Variants in BACH2 observed in about 807,000 individuals in gnomAD.
The protein encoded by BACH2 is transcription regulator protein BACH2.
A neutral mutation model predicts 61.8 loss-of-function variants in BACH2; 5 were observed. The observed-to-expected ratio is 0.08, with a 90% CI of 0.04 to 0.17. The LOEUF (loss-of-function observed/expected upper bound fraction) is 0.17. BACH2 is among the 10% of genes least tolerant of loss of function. The pLI, the probability that BACH2 is intolerant of heterozygous loss-of-function variation, is 1.00. For synonymous variants in BACH2, 446 were observed against 440.1 expected, an observed-to-expected ratio of 1.01 and a Z score of -0.17; for missense variants, 824 against 1,091.1, an observed-to-expected ratio of 0.76 and a Z score of 3.45.
intron 4 of BACH2, among the ~76,000 whole-genome samples, chr6:90,126,367 T>G (rs1376891715): frequency 6.6e-6 from 1 of 152,202 alleles, no homozygotes; most frequent in Admixed American, 6.5e-5. Flanking sequence ...GCTGCTACAG[T>G]GTCAACAATG....
intron 4 of BACH2, among the ~76,000 whole-genome samples, chr6:90,150,895 G>A (rs1008711302): frequency 6.6e-6 from 1 of 152,186 alleles, no homozygotes; most frequent in South Asian, 2.1e-4. Flanking sequence ...CAGCGGTGTT[G>A]CCTAAAGCAA....
At chr6:89,934,157 G>A (rs1417364706) in intron 8 of BACH2, among the ~76,000 whole-genome samples, 2 of 152,184 alleles carry the variant, frequency 1.3e-5, no homozygotes, top group Non-Finnish European at 2.9e-5. Context: ...GCTGGGAAAA[G>A]TGCAGTCTGG....
intron 6 of BACH2, among the ~76,000 whole-genome samples, chr6:89,967,729 TAC>T (rs1379194324): frequency 6.6e-6 from 1 of 152,138 alleles, no homozygotes. Flanking sequence ...GTGGTAAAAA[TAC>T]AGAGACTCAA....
chr6:90,113,631 A>G (rs1783273763), intron 4 of BACH2, among the ~76,000 whole-genome samples: 1 of 152,092 alleles, frequency 6.6e-6, no homozygotes, highest in Non-Finnish European at 1.5e-5. Context: ...CACATCAAAA[A>G]GTTAGAAAGA....
At chr6:90,141,740 G>C (rs1784468280) in intron 4 of BACH2, among the ~76,000 whole-genome samples, 1 of 152,098 alleles carries the variant, frequency 6.6e-6, no homozygotes, top group Admixed American at 6.6e-5. Context: ...TTTTACACAT[G>C]ATAATAGGTT....
At chr6:90,044,040 GCCATGTACTGTTCTAGGTA>G (rs1241754387) in intron 5 of BACH2, among the ~76,000 whole-genome samples, 1 of 152,146 alleles carries the variant, frequency 6.6e-6, no homozygotes, top group Non-Finnish European at 1.5e-5. Context: ...AACACATGAT[GCCATGTACTGTTCTAGGTA>G]CCTGAGGATA....
intron 4 of BACH2, among the ~76,000 whole-genome samples, chr6:90,170,369 T>TTA (rs1383419579): frequency 6.6e-6 from 1 of 152,162 alleles, no homozygotes; most frequent in Non-Finnish European, 1.5e-5. Context: ...CTTTACCTAT[T>TTA]TATCTTGTTA....
At chr6:90,278,567 C>T (rs1771764716) in intron 1 of BACH2, among the ~76,000 whole-genome samples, 2 of 152,364 alleles carry the variant, frequency 1.3e-5, no homozygotes, top group South Asian at 2.1e-4. Flanking sequence ...TATATGTTTT[C>T]CCTAAAGGCA....
In BACH2 at chr6:90,065,425, C is replaced by G. The variant is rs144946746; in HGVS notation, c.-13+23536G>C. ...CCAACCATCCTAGAATGGGGGGTAA[C>G]AACCTTTTTCTTAAAGGACCAGCAG... On this transcript the variant is annotated intron_variant, in intron 5 of 8. Coordinates refer to ENST00000257749, the MANE Select transcript of BACH2 (RefSeq NM_021813.4). Among the ~76,000 whole-genome samples the G allele has an allele frequency of 2.0e-4, 31 of 151,888 alleles. No homozygotes were observed. The East Asian group carries it at 5.4e-3, about 27-fold the overall frequency.
At chr6:90,093,676 C>T (rs1042895163) in intron 4 of BACH2, among the ~76,000 whole-genome samples, 3 of 152,202 alleles carry the variant, frequency 2.0e-5, no homozygotes, top group African/African-American at 7.2e-5. Flanking sequence ...CAGAAGCCCA[C>T]AGGACAATAC....
intron 4 of BACH2, among the ~76,000 whole-genome samples, chr6:90,143,623 C>T (rs1159501723): frequency 2.0e-5 from 3 of 152,100 alleles, no homozygotes; most frequent in African/African-American, 7.2e-5. Flanking sequence ...CCATGAACCC[C>T]TGTGCACCTC....
chr6:90,288,416 C>G (rs948426171), intron 1 of BACH2, among the ~76,000 whole-genome samples: 2 of 152,256 alleles, frequency 1.3e-5, no homozygotes, highest in Middle Eastern at 3.4e-3. Flanking sequence ...AAGCACAGTA[C>G]TATACATTCA....
At chr6:89,962,868 G>A (rs1484859618) in intron 6 of BACH2, among the ~76,000 whole-genome samples, 1 of 152,084 alleles carries the variant, frequency 6.6e-6, no homozygotes, top group African/African-American at 2.4e-5. Flanking sequence ...ATGAACAAAT[G>A]GGACTATATC....
intron 1 of BACH2, among the ~76,000 whole-genome samples, chr6:90,292,342 A>T (rs1772205041): frequency 1.3e-5 from 2 of 152,214 alleles, no homozygotes; most frequent in Non-Finnish European, 2.9e-5. Context: ...GGATTCAGTA[A>T]ATCAAAACTA....
intron 5 of BACH2, among the ~76,000 whole-genome samples, chr6:90,083,376 A>C (rs969275260): frequency 6.6e-6 from 1 of 152,200 alleles, no homozygotes; most frequent in Non-Finnish European, 1.5e-5. Flanking sequence ...TTTATATATT[A>C]ATGTTTACAA....
At chr6:90,171,636 C>A (rs1730714083) in intron 4 of BACH2, among the ~76,000 whole-genome samples, 1 of 151,960 alleles carries the variant, frequency 6.6e-6, no homozygotes, top group Admixed American at 6.6e-5. Flanking sequence ...AGTTCACAAT[C>A]AAAAATCACA....
chr6:90,235,008 A>G lies in BACH2; in HGVS notation c.-275+17505T>C, dbSNP rs548530265. Reference sequence around the variant, plus strand: ...CCCCATACCAACTGGGGCACCCATCATCATAGTCAGCAACCTGACCTAAAG... The same window carrying G: ...CCCCATACCAACTGGGGCACCCATCGTCATAGTCAGCAACCTGACCTAAAG... On this transcript the variant is annotated intron_variant, in intron 3 of 8. Coordinates refer to ENST00000257749, the MANE Select transcript of BACH2 (RefSeq NM_021813.4). Among the ~76,000 whole-genome samples the G allele has an allele frequency of 2.6e-5, 4 of 152,356 alleles. No individual in the cohort carries two copies. In the East Asian group the frequency reaches 7.7e-4, roughly 29 times the overall value.
chr6:90,020,814 C>T (rs1156230405), intron 5 of BACH2, among the ~76,000 whole-genome samples: 1 of 152,088 alleles, frequency 6.6e-6, no homozygotes, highest in African/African-American at 2.4e-5. Context: ...GCAGCAAATC[C>T]TGAAATCTGC....
intron 1 of BACH2, among the ~76,000 whole-genome samples, chr6:90,287,299 A>G (rs1290638477): frequency 6.6e-6 from 1 of 152,238 alleles, no homozygotes; most frequent in Admixed American, 6.5e-5. Context: ...ATTGGGACAC[A>G]CCAATTTTGA....
Sources: gnomAD v4.1 joint callset for allele counts (sites outside exome capture counted in the v4.1 genomes callset) on GRCh38, gnomAD v4.1.1 for gene constraint, MANE v1.5 for transcripts, NCBI Gene and HGNC (gene_info 2026-07-23, HGNC 2026-07-21) for gene names.